Variants in RALGPS1 observed in about 807,000 individuals in gnomAD.
RALGPS1 encodes the protein Ral GEF with PH domain and SH3 binding motif 1.
A neutral mutation model predicts 78.8 loss-of-function variants in RALGPS1; 19 were observed. That is an observed-to-expected ratio of 0.24 (90% confidence interval 0.17 to 0.35). RALGPS1 has a LOEUF of 0.35. Ranked by LOEUF, RALGPS1 falls within the 10% of genes least tolerant of loss-of-function variation. The pLI, the probability that RALGPS1 is intolerant of heterozygous loss-of-function variation, is 1.00. For missense variants in RALGPS1, 454 were observed against 688.3 expected, an observed-to-expected ratio of 0.66 and a Z score of 3.81; for synonymous variants, 228 against 256.3, an observed-to-expected ratio of 0.89 and a Z score of 1.06.
intron 7 of RALGPS1, among the ~76,000 whole-genome samples, chr9:127,063,624 G>C (rs1439690335): frequency 6.6e-6 from 1 of 151,848 alleles, no homozygotes; most frequent in East Asian, 1.9e-4. Context: ...TGCCAATTTT[G>C]TCATTGATTT....
Position 127,205,059 on chromosome 9 carries a change from C to T in RALGPS1, c.1247+5993C>T, listed in dbSNP as rs533033859. On this transcript the variant is annotated intron_variant, in intron 14 of 18. Coordinates refer to ENST00000259351, the MANE Select transcript of RALGPS1 (RefSeq NM_014636.3). The surrounding 1 kb of genome is among the most constrained non-coding windows in gnomAD (Gnocchi z 4.0). The stretch of plus-strand genomic sequence containing the variant: ...GCAGAGGACCTCACTGTCCCCCACA[C>T]CTGTGGCTGAGGCCAGGATCCCAGG... 6.6e-6 allele frequency among the ~76,000 whole-genome samples: 1 copy of T among 152,248 alleles called. No individual in the cohort carries two copies. Among genetic ancestry groups the T allele is most frequent in the Non-Finnish European group, 1.5e-5 (1 of 68,048 alleles).
At chr9:127,095,185 T>C (rs1370348406) in intron 8 of RALGPS1, among the ~76,000 whole-genome samples, 2 of 152,174 alleles carry the variant, frequency 1.3e-5, no homozygotes, top group Non-Finnish European at 2.9e-5. Flanking sequence ...GATCACAAAG[T>C]CAGGAGATCG....
chr9:127,040,366 C>T lies in RALGPS1; in HGVS notation c.300+5852C>T, dbSNP rs140711207. 5.1e-4 allele frequency among the ~76,000 whole-genome samples: 77 copies of T among 152,274 alleles called. No homozygotes were observed. In the East Asian group the frequency reaches 0.015, roughly 29 times the overall value. On this transcript the variant is annotated intron_variant, in intron 5 of 18. Coordinates refer to ENST00000259351, the MANE Select transcript of RALGPS1 (RefSeq NM_014636.3). ...GCAGTGAGCCGAGATCTCACCACTG[C>T]ACTCCAGCCTGGGCGACAGAGTGAA...
chr9:126,985,746 A>G (rs1192901725), intron 4 of RALGPS1, among the ~76,000 whole-genome samples: 1 of 152,152 alleles, frequency 6.6e-6, no homozygotes, highest in African/African-American at 2.4e-5. Context: ...CTTTTCCCTT[A>G]AAGGTCTTTG....
At chr9:127,000,814 A>G (rs2133566558) in intron 4 of RALGPS1, among the ~76,000 whole-genome samples, 1 of 151,064 alleles carries the variant, frequency 6.6e-6, no homozygotes, top group African/African-American at 2.4e-5. Context: ...TCAGCCTCCC[A>G]AAGCGCTGGG....
At chr9:127,013,456 C>T (rs2044537436) in intron 4 of RALGPS1, among the ~76,000 whole-genome samples, 1 of 152,160 alleles carries the variant, frequency 6.6e-6, no homozygotes, top group African/African-American at 2.4e-5. Context: ...CCCAGTCAGG[C>T]CAGAAGCATG....
At chr9:127,003,272 C>A (rs1269549490) in intron 4 of RALGPS1, among the ~76,000 whole-genome samples, 3 of 151,960 alleles carry the variant, frequency 2.0e-5, no homozygotes, top group African/African-American at 7.3e-5. Context: ...AGGCAGCCTA[C>A]AAAATGGGAG....
Position 127,081,669 on chromosome 9 carries a change from TC to T in RALGPS1, c.610+12314del, listed in dbSNP as rs2051185825. Among the ~76,000 whole-genome samples, 5 of 152,240 alleles carry T rather than the reference TC, an allele frequency of 3.3e-5. No homozygotes were observed. In the South Asian group the frequency reaches 1.0e-3, roughly 31 times the overall value. On this transcript the variant is annotated intron_variant, in intron 8 of 18. Transcript: ENST00000259351. ...GGGCCATTCCCAGCTCTGTTGAGGCTCAGGGCAAATGTGGCCTGTCTTTCCT... is the reference window on the plus strand; with the variant it reads ...GGGCCATTCCCAGCTCTGTTGAGGCTAGGGCAAATGTGGCCTGTCTTTCCT...
At position 127,183,168 on chromosome 9, in the gene RALGPS1, A is replaced by C. The variant is rs1588410189; in HGVS notation, c.910+8386A>C. ...GATCCGCCCCCGACCCAGTCACCCCACCAGGCCTCGCCTCCAACACTGGGA... is the reference window on the plus strand; with the variant it reads ...GATCCGCCCCCGACCCAGTCACCCCCCCAGGCCTCGCCTCCAACACTGGGA... On this transcript the variant is annotated intron_variant, in intron 11 of 18. Coordinates refer to ENST00000259351, the MANE Select transcript of RALGPS1 (RefSeq NM_014636.3). The surrounding 1 kb of genome is among the most constrained non-coding windows in gnomAD (Gnocchi z 4.0). Among the ~76,000 whole-genome samples the C allele has an allele frequency of 1.4e-5, 2 of 146,694 alleles. No individual in the cohort carries two copies. Among genetic ancestry groups the C allele is most frequent in the African/African-American group, 4.9e-5 (2 of 40,882 alleles).
intron 7 of RALGPS1, among the ~76,000 whole-genome samples, chr9:127,064,829 A>C (rs1194552718): frequency 6.6e-6 from 1 of 152,160 alleles, no homozygotes; most frequent in African/African-American, 2.4e-5. Flanking sequence ...TATGAATAAC[A>C]TGTCCTTCCT....
chr9:127,195,221 G>C lies in RALGPS1; in HGVS notation c.1037+4G>C, dbSNP rs1332355880. ...AGAGCCACAGCCTAGGCAACAAGTG[G>C]GTGACTGAGCAAGCCCTCCCGCCGG... On this transcript the variant is annotated splice_donor_region_variant and intron_variant, in intron 12 of 18. Coordinates refer to ENST00000259351, the MANE Select transcript of RALGPS1 (RefSeq NM_014636.3). The C allele has an allele frequency of 1.9e-6, 3 of 1,608,694 alleles. No homozygotes were observed. Among genetic ancestry groups the C allele is most frequent in the Non-Finnish European group, 1.7e-6 (2 of 1,179,864 alleles).
At chr9:127,017,506 A>G (rs891796978) in intron 4 of RALGPS1, among the ~76,000 whole-genome samples, 2 of 152,234 alleles carry the variant, frequency 1.3e-5, no homozygotes, top group African/African-American at 4.8e-5. Flanking sequence ...GGCCTTGGAC[A>G]TTACTGTAAT....
intron 8 of RALGPS1, among the ~76,000 whole-genome samples, chr9:127,103,126 C>T (rs1405586430): frequency 1.3e-5 from 2 of 152,222 alleles, no homozygotes; most frequent in East Asian, 3.8e-4. Context: ...GCTTGCTTGA[C>T]CTCCAGAAAG....
At chr9:126,980,241 G>A (rs535710143) in intron 4 of RALGPS1, among the ~76,000 whole-genome samples, 5 of 152,192 alleles carry the variant, frequency 3.3e-5, no homozygotes, top group Admixed American at 6.5e-5. Flanking sequence ...AGTTGGAAGG[G>A]CATGAATAAA....
chr9:127,211,545 G>T lies in RALGPS1; in HGVS notation c.1248-586G>T, dbSNP rs766740016. ...CATTCCTGAGGCACCGGCAGATCCG[G>T]AGCTCAGGAGGGAGGTGTGGGCTGC... On this transcript the variant is annotated intron_variant, in intron 14 of 18. Transcript: ENST00000259351. The surrounding 1 kb of genome is among the most constrained non-coding windows in gnomAD (Gnocchi z 5.0). Among the ~76,000 whole-genome samples, 18 of 152,200 alleles carry T rather than the reference G, an allele frequency of 1.2e-4. No homozygotes were observed. The highest frequency in any genetic ancestry group is 2.4e-4 in the Non-Finnish European group (16 of 68,022).
chr9:127,016,742 G>A (rs1367554905), intron 4 of RALGPS1: 6 of 152,184 alleles, frequency 3.9e-5, no homozygotes, highest in African/African-American at 1.4e-4. Context: ...GTCATCATCT[G>A]TTCAGTCTTC....
chr9:127,167,184 C>T (rs1254907994), intron 9 of RALGPS1, among the ~76,000 whole-genome samples: 1 of 152,152 alleles, frequency 6.6e-6, no homozygotes, highest in Non-Finnish European at 1.5e-5. Flanking sequence ...CCACAGCCTC[C>T]GTTTGGGAAT....
At chr9:127,110,356 G>C (rs1375719128) in intron 8 of RALGPS1, among the ~76,000 whole-genome samples, 1 of 152,150 alleles carries the variant, frequency 6.6e-6, no homozygotes, top group Non-Finnish European at 1.5e-5. Context: ...CCTGCCTCCT[G>C]TCTTGCCGGC....
intron 8 of RALGPS1, among the ~76,000 whole-genome samples, chr9:127,150,501 T>C (rs1032026786): frequency 6.6e-5 from 10 of 152,144 alleles, no homozygotes; most frequent in Admixed American, 6.5e-4. Context: ...ACCACCCCCC[T>C]CACCCCACCC....
Sources: allele counts gnomAD v4.1 joint callset (sites outside exome capture counted in the v4.1 genomes callset), GRCh38; gene constraint gnomAD v4.1.1; non-coding constraint Gnocchi (gnomAD v3.1); transcripts MANE v1.5; gene names NCBI Gene and HGNC (gene_info 2026-07-23, HGNC 2026-07-21).